Variants in PLXDC2 observed in about 807,000 individuals in gnomAD.
PLXDC2 encodes plexin domain containing 2.
Under a neutral mutation model 68.9 loss-of-function variants are expected in PLXDC2, and 40 were observed. That is an observed-to-expected ratio of 0.58 (90% CI 0.45 to 0.76). The LOEUF (loss-of-function observed/expected upper bound fraction) is 0.76. Among genes scored for constraint, PLXDC2 ranks in the 30% least tolerant of loss-of-function variants. The pLI is 0.00. For synonymous variants in PLXDC2, 243 were observed against 234.2 expected (o/e 1.04, Z -0.34); for missense variants, 644 against 661.9 (o/e 0.97, Z 0.30).
chr10:20,094,554 T>G (rs570931625), intron 4 of PLXDC2, among the ~76,000 whole-genome samples: 1 of 80,688 alleles, frequency 1.2e-5, no homozygotes, highest in Non-Finnish European at 2.1e-5. Context: ...TGTTTTTCAT[T>G]ATTTTTTTTT....
intron 11 of PLXDC2, among the ~76,000 whole-genome samples, chr10:20,218,288 T>C (rs1161141282): frequency 6.6e-6 from 1 of 151,992 alleles, no homozygotes; most frequent in African/African-American, 2.4e-5. Flanking sequence ...CTTACTTGTT[T>C]ATTGTTATAA....
At chr10:20,132,679 G>A (rs546688803) in intron 4 of PLXDC2, among the ~76,000 whole-genome samples, 1 of 151,452 alleles carries the variant, frequency 6.6e-6, no homozygotes, top group Non-Finnish European at 1.5e-5. Flanking sequence ...ATTTTTGCAG[G>A]GACTATCTTT....
At chr10:20,071,131 C>T (rs532102602) in intron 4 of PLXDC2, 2 of 152,320 alleles carry the variant, frequency 1.3e-5, no homozygotes, top group African/African-American at 4.8e-5. Context: ...TCAAGATAAT[C>T]TACACATTGA....
intron 1 of PLXDC2, among the ~76,000 whole-genome samples, chr10:19,962,067 T>A (rs1204694439): frequency 6.6e-6 from 1 of 152,290 alleles, no homozygotes; most frequent in Admixed American, 6.5e-5. Flanking sequence ...TATTTGTGTT[T>A]CAAATGTGGA....
chr10:20,103,243 A>G (rs1002914406), intron 4 of PLXDC2, among the ~76,000 whole-genome samples: 3 of 152,218 alleles, frequency 2.0e-5, no homozygotes, highest in Admixed American at 1.3e-4. Context: ...CAGTGCATAT[A>G]TAAAAATGAA....
chr10:19,841,791 T>A (rs1275818965), intron 1 of PLXDC2, among the ~76,000 whole-genome samples: 1 of 152,200 alleles, frequency 6.6e-6, no homozygotes, highest in African/African-American at 2.4e-5. Context: ...TTATTCAGCA[T>A]TGCTCATTTA....
At chr10:20,012,303 C>CTCTCTT (rs1835129350) in intron 2 of PLXDC2, among the ~76,000 whole-genome samples, 3 of 65,596 alleles carry the variant, frequency 4.6e-5, no homozygotes, top group African/African-American at 2.3e-4. Context: ...CTCTCTCTCT[C>CTCTCTT]TTTTTTATTT....
intron 2 of PLXDC2, among the ~76,000 whole-genome samples, chr10:20,013,324 A>T (rs1835148872): frequency 6.6e-6 from 1 of 152,214 alleles, no homozygotes; most frequent in Non-Finnish European, 1.5e-5. Flanking sequence ...TTAAATTTTT[A>T]AAATTCACAT....
chr10:20,046,821 A>G lies in PLXDC2; in HGVS notation c.325-48A>G, dbSNP rs1254248542. The G allele has an allele frequency of 2.0e-6, 3 of 1,527,164 alleles. No homozygotes were observed. The Admixed American group carries it at 6.4e-5, about 33-fold the overall frequency. The allele number at this position is 1,527,164 out of a possible 1,614,324, so 94.6% of individuals were successfully genotyped here. A position where few individuals can be genotyped will look rare whatever the true frequency, so the allele number is the denominator to read the frequency against. On this transcript the variant is annotated intron_variant, in intron 2 of 13. Transcript: ENST00000377252. ...AATAGGATTTTTTTTAAAGAATTGT[A>G]GGTAAAACATCTCGGTTCTTGATAT... is the stretch of plus-strand genomic sequence containing the variant.
intron 2 of PLXDC2, among the ~76,000 whole-genome samples, chr10:20,032,320 T>C (rs1231972575): frequency 2.0e-5 from 3 of 152,202 alleles, no homozygotes; most frequent in African/African-American, 7.2e-5. Context: ...TTGTGGTTGG[T>C]GTGGCATGTG....
At chr10:20,144,812 T>G (rs1282198167) in intron 5 of PLXDC2, among the ~76,000 whole-genome samples, 1 of 152,224 alleles carries the variant, frequency 6.6e-6, no homozygotes, top group Non-Finnish European at 1.5e-5. Context: ...TAGGGTCATT[T>G]ACTCATGGGC....
intron 9 of PLXDC2, among the ~76,000 whole-genome samples, chr10:20,189,991 T>A (rs146820309): frequency 5.5e-4 from 83 of 151,946 alleles, no homozygotes; most frequent in Middle Eastern, 3.4e-3. Flanking sequence ...AGACATTCTT[T>A]TAAGTTATCT....
intron 4 of PLXDC2, among the ~76,000 whole-genome samples, chr10:20,119,522 T>C (rs1019349413): frequency 6.8e-6 from 1 of 146,352 alleles, no homozygotes; most frequent in Non-Finnish European, 1.5e-5. Context: ...TGTCATCAGT[T>C]AACGCAGGAA....
intron 4 of PLXDC2, among the ~76,000 whole-genome samples, chr10:20,123,371 G>A (rs970553575): frequency 2.0e-5 from 3 of 152,108 alleles, no homozygotes; most frequent in African/African-American, 4.8e-5. Flanking sequence ...GAGAGGGACC[G>A]ATGTGTAAAA....
At chr10:20,119,769 G>A (rs1448125686) in intron 4 of PLXDC2, among the ~76,000 whole-genome samples, 1 of 152,032 alleles carries the variant, frequency 6.6e-6, no homozygotes, top group African/African-American at 2.4e-5. Context: ...GAGAGATTAA[G>A]ATGAAGGAAG....
chr10:19,850,282 T>G (rs1415571140), intron 1 of PLXDC2, among the ~76,000 whole-genome samples: 3 of 151,966 alleles, frequency 2.0e-5, no homozygotes, highest in Non-Finnish European at 4.4e-5. Context: ...TGATAGGTTT[T>G]TTTTTTTTTT....
rs1340497950 is a variant in PLXDC2 at position 20,284,422 on chromosome 10, T to A, written c.*4603T>A. On this transcript the variant is annotated 3_prime_UTR_variant, in exon 14 of 14. Coordinates refer to ENST00000377252, the MANE Select transcript of PLXDC2 (RefSeq NM_032812.9). ...GATAGCAATTATGTGTGTGTGTGTG[T>A]GTGTGTGTGTGTGTGTGTTAGCCAA... 6.7e-6 allele frequency: 1 copy of A among 150,060 alleles called. No homozygotes were observed. The highest frequency in any genetic ancestry group is 2.5e-5 in the African/African-American group (1 of 40,720). The allele number at this position is 150,060 out of a possible 1,614,324, so 9.3% of individuals were successfully genotyped here.
chr10:20,270,964 A>G (rs1835932150), intron 13 of PLXDC2, among the ~76,000 whole-genome samples: 1 of 151,744 alleles, frequency 6.6e-6, no homozygotes, highest in Non-Finnish European at 1.5e-5. Context: ...ACTGGAAAAA[A>G]AAAAGGAATG....
intron 12 of PLXDC2, among the ~76,000 whole-genome samples, chr10:20,240,115 G>T (rs1412565027): frequency 1.3e-5 from 2 of 152,100 alleles, no homozygotes; most frequent in African/African-American, 2.4e-5. Context: ...GGTATCTGTT[G>T]TTCCCTTCTT....
Sources: allele counts gnomAD v4.1 joint callset (sites outside exome capture counted in the v4.1 genomes callset), GRCh38; gene constraint gnomAD v4.1.1; transcripts MANE v1.5; gene names NCBI Gene and HGNC (gene_info 2026-07-23, HGNC 2026-07-21).